Variants in BCAM observed in about 807,000 individuals in gnomAD.
BCAM encodes basal cell adhesion molecule (Lutheran blood group), also known as basal cell adhesion molecule.
In BCAM, 61 loss-of-function variants were observed where a neutral mutation model predicts 72.4. That is an observed-to-expected ratio of 0.84 (90% CI 0.69 to 1.04). BCAM has a LOEUF of 1.04. Ranked by LOEUF, BCAM falls within the 50% of genes least tolerant of loss-of-function variation. The pLI is 0.00. For synonymous variants in BCAM, 408 were observed against 384.2 expected (o/e 1.06, Z -0.73); for missense variants, 909 against 895.0 (o/e 1.02, Z -0.20).
intron 1 of BCAM, among the ~76,000 whole-genome samples, chr19:44,810,752 G>A (rs1968407087): frequency 2.0e-5 from 3 of 152,244 alleles, no homozygotes; most frequent in Non-Finnish European, 2.9e-5. Context: ...AGCAAAGGCT[G>A]GTGCAGTATT....
At chr19:44,815,466 T>C (rs1355612506) in intron 8 of BCAM, among the ~76,000 whole-genome samples, 1 of 139,910 alleles carries the variant, frequency 7.1e-6, no homozygotes, top group Non-Finnish European at 1.5e-5. Context: ...AGACAGATGG[T>C]AAATGCTAAC....
Position 44,820,911 on chromosome 19 carries a change from C to T in BCAM, c.1882-5C>T. ...CACAGGCTGACCTCTCCATCCGCTCCCCAGTGCTGAGCCAAGAACCTCCTA... is the reference window on the plus strand; with the variant it reads ...CACAGGCTGACCTCTCCATCCGCTCTCCAGTGCTGAGCCAAGAACCTCCTA... On this transcript the variant is annotated splice_polypyrimidine_tract_variant and splice_region_variant and intron_variant, in intron 14 of 14. Coordinates refer to ENST00000270233, the MANE Select transcript of BCAM (RefSeq NM_005581.5). The T allele has an allele frequency of 1.3e-6, 2 of 1,562,176 alleles. No individual in the cohort carries two copies. Among genetic ancestry groups the T allele is most frequent in the South Asian group, 2.4e-5 (2 of 84,556 alleles).
In BCAM at chr19:44,814,636, C is replaced by T. The variant is rs753313618; in HGVS notation, c.954C>T (p.Leu318=). ...AGGAGGAAGTGCTGAATGTGAATCTCGAGGGGAACTTGACCCTGGAGGGAG... is the reference window on the plus strand; with the variant it reads ...AGGAGGAAGTGCTGAATGTGAATCTTGAGGGGAACTTGACCCTGGAGGGAG... ...DEQEEVLNVN[L]EGNLTLEGVT... Residue 318 remains leucine (L), a synonymous_variant, in exon 8 of 15, where the codon CTC becomes CTT. Coordinates refer to ENST00000270233, the MANE Select transcript of BCAM (RefSeq NM_005581.5). This position sits in a 1 kb window ranked among gnomAD's most constrained non-coding sequence, Gnocchi z 4.6. 7.4e-6 allele frequency: 12 copies of T among 1,613,828 alleles called. No individual in the cohort carries two copies. Among genetic ancestry groups the T allele is most frequent in the Admixed American group, 3.3e-5 (2 of 59,978 alleles).
At position 44,813,759 on chromosome 19, in the gene BCAM, C is replaced by T. The variant is rs998571989; in HGVS notation, c.784+139C>T. 3.2e-6 allele frequency: 4 copies of T among 1,234,404 alleles called. No homozygotes were observed. The highest frequency in any genetic ancestry group is 2.5e-5 in the East Asian group (1 of 39,272). 76.5% of individuals were successfully genotyped at this position (1,234,404 alleles called of 1,614,324 possible). A position where few individuals can be genotyped will look rare whatever the true frequency, so the allele number is the denominator to read the frequency against. On this transcript the variant is annotated intron_variant, in intron 6 of 14. Transcript: ENST00000270233. This position sits in a 1 kb window ranked among gnomAD's most constrained non-coding sequence, Gnocchi z 4.2. The stretch of plus-strand genomic sequence containing the variant: ...CTAAAAAAAAATGTGCTAGTGCTGG[C>T]CACTGACCTCTGACCTCAATTGGTC...
At chr19:44,809,932 G>A (rs1378375724) in intron 1 of BCAM, among the ~76,000 whole-genome samples, 1 of 152,108 alleles carries the variant, frequency 6.6e-6, no homozygotes, top group African/African-American at 2.4e-5. Flanking sequence ...GGGGAAGAGA[G>A]AGGAACTCTC....
At position 44,820,825 on chromosome 19, in the gene BCAM, G is replaced by A. The variant is rs1568575564; in HGVS notation, c.1881+3G>A. On this transcript the variant is annotated splice_donor_region_variant and intron_variant, in intron 14 of 14. Transcript: ENST00000270233. ...GCAGCGGGGGCTTCGGAGACGAGGT[G>A]GGTGAGGGCCTGGGCCCCCTGGTGA... is the stretch of plus-strand genomic sequence containing the variant. 1.3e-6 allele frequency: 2 copies of A among 1,515,206 alleles called. No homozygotes were observed. Among genetic ancestry groups the A allele is most frequent in the Admixed American group, 4.5e-5 (2 of 44,212 alleles). 93.9% of individuals were successfully genotyped at this position (1,515,206 alleles called of 1,614,324 possible). A position where few individuals can be genotyped will look rare whatever the true frequency, so the allele number is the denominator to read the frequency against.
intron 13 of BCAM, chr19:44,819,965 C>T (rs1317295170): frequency 1.7e-5 from 23 of 1,357,926 alleles, no homozygotes; most frequent in Non-Finnish European, 2.2e-5. Flanking sequence ...CAACCCAGGG[C>T]CATCCCCAAA....
chr19:44,819,533 G>C (rs766070947), intron 12 of BCAM, 43 bp downstream of exon 12: 112 of 1,613,212 alleles, frequency 6.9e-5, no homozygotes, highest in Non-Finnish European at 8.9e-5. Flanking sequence ...GTGTGGGGCA[G>C]ACAGAGCCCA....
Position 44,814,852 on chromosome 19 carries a change from T to A in BCAM, c.1078+92T>A. 5 of 1,325,392 alleles carry A rather than the reference T, an allele frequency of 3.8e-6. No individual in the cohort carries two copies. The highest frequency in any genetic ancestry group is 5.0e-6 in the Non-Finnish European group (5 of 1,009,710). The allele number at this position is 1,325,392 out of a possible 1,614,324, so 82.1% of individuals were successfully genotyped here. ...CTACAGCCCTGAAGTTGCTCTGTCA[T>A]CCCAAACACTCTGCCTTCAACCCTT... On this transcript the variant is annotated intron_variant, in intron 8 of 14. Transcript: ENST00000270233. The surrounding 1 kb of genome is among the most constrained non-coding windows in gnomAD (Gnocchi z 4.6).
Position 44,818,977 on chromosome 19 carries a change from A to C in BCAM, c.1337-79A>C. 6.3e-7 allele frequency: 1 copy of C among 1,597,118 alleles called. No individual in the cohort carries two copies. Among genetic ancestry groups the C allele is most frequent in the Non-Finnish European group, 8.5e-7 (1 of 1,169,970 alleles). On this transcript the variant is annotated intron_variant, in intron 10 of 14. Coordinates refer to ENST00000270233, the MANE Select transcript of BCAM (RefSeq NM_005581.5). The surrounding 1 kb of genome is among the most constrained non-coding windows in gnomAD (Gnocchi z 4.6). Reference sequence around the variant, plus strand: ...CGAGTTCCTGAGTCCCTGGCTGGGGACTCCATCTTCTGCTCGATGCCTCTC... The same window carrying C: ...CGAGTTCCTGAGTCCCTGGCTGGGGCCTCCATCTTCTGCTCGATGCCTCTC...
chr19:44,812,172 T>C lies in BCAM; in HGVS notation c.214T>C (p.Ser72Pro), dbSNP rs1968430305. 6.2e-7 allele frequency: 1 copy of C among 1,601,492 alleles called. No homozygotes were observed. ...YMLEWFLTDR[S>P]GARPRLASAE... ...TGCCCCGCGCCCACAGACCGACCGCTCGGGAGCTCGCCCCCGCCTAGCCTC... is the reference window on the plus strand; with the variant it reads ...TGCCCCGCGCCCACAGACCGACCGCCCGGGAGCTCGCCCCCGCCTAGCCTC... The change falls in exon 3 of 15, where the codon TCG (serine) becomes CCG (proline). Residue 72 changes from serine (S) to proline (P), a missense_variant. By Grantham distance (74) the Ser-to-Pro change is moderately conservative. Transcript: ENST00000270233. This position sits in a 1 kb window ranked among gnomAD's most constrained non-coding sequence, Gnocchi z 5.3.
At chr19:44,820,470 C>G in intron 13 of BCAM, 3 of 1,249,356 alleles carry the variant, frequency 2.4e-6, no homozygotes, top group Non-Finnish European at 3.0e-6. Flanking sequence ...CCAAAGCCAA[C>G]TCCAGCTACA....
chr19:44,818,486 G>T lies in BCAM; in HGVS notation c.1079-36G>T, dbSNP rs560312954. The T allele has an allele frequency of 2.5e-6, 4 of 1,583,486 alleles. No homozygotes were observed. The African/African-American group carries it at 5.4e-5, about 21-fold the overall frequency. On this transcript the variant is annotated intron_variant, in intron 8 of 14. Transcript: ENST00000270233. This position sits in a 1 kb window ranked among gnomAD's most constrained non-coding sequence, Gnocchi z 4.6. Reference sequence around the variant, plus strand: ...GAGAGCCCCTAATTGAGTGGGTGGCGGTCTGGGACGAGTGACAGACTGTCC... The same window carrying T: ...GAGAGCCCCTAATTGAGTGGGTGGCTGTCTGGGACGAGTGACAGACTGTCC...
In BCAM at chr19:44,811,311, G is replaced by T; in HGVS notation, c.169G>T (p.Gly57Ter). 6.2e-7 allele frequency: 1 copy of T among 1,613,660 alleles called. No homozygotes were observed. Among genetic ancestry groups the T allele is most frequent in the East Asian group, 2.2e-5 (1 of 44,868 alleles). The change falls in exon 2 of 15, where the codon GGA becomes TGA. Residue 57 changes from glycine (G) to a stop codon, truncating the protein, a stop_gained. Coordinates refer to ENST00000270233, the MANE Select transcript of BCAM (RefSeq NM_005581.5). LOFTEE classifies it high-confidence loss of function. Reference protein sequence around the residue: ...KSVILDCTPTGTHDHYMLEWF... With the variant: ...KSVILDCTPT Reference sequence around the variant, plus strand: ...TGTCATTCTGGACTGCACCCCTACGGGAACCCACGACCATTATATGCTGGA... The same window carrying T: ...TGTCATTCTGGACTGCACCCCTACGTGAACCCACGACCATTATATGCTGGA...
chr19:44,812,391 G>C lies in BCAM; in HGVS notation c.433G>C (p.Ala145Pro). ...GGCCACTGCGCGGCTCAACGTGTTT[G>C]GTAAGTGTCCTCGGGCATCCCCCGA... ...AEATARLNVF[A>P]KPEATEVSPN... The change falls in exon 3 of 15, where the codon GCA (alanine) becomes CCA (proline). Residue 145 changes from alanine (A) to proline (P), a missense_variant and splice_region_variant. Ala to Pro is a conservative substitution (Grantham distance 27). Coordinates refer to ENST00000270233, the MANE Select transcript of BCAM (RefSeq NM_005581.5). This position sits in a 1 kb window ranked among gnomAD's most constrained non-coding sequence, Gnocchi z 5.3. 6.2e-7 allele frequency: 1 copy of C among 1,614,088 alleles called. No individual in the cohort carries two copies. Among genetic ancestry groups the C allele is most frequent in the East Asian group, 2.2e-5 (1 of 44,884 alleles).
In BCAM at chr19:44,812,177, AG is replaced by A. The variant is rs1476930654; in HGVS notation, c.220del (p.Ala74LeufsTer5). The A allele has an allele frequency of 6.2e-7, 1 of 1,602,198 alleles. No individual in the cohort carries two copies. The highest frequency in any genetic ancestry group is 8.5e-7 in the Non-Finnish European group (1 of 1,177,472). On this transcript the variant is annotated frameshift_variant, in exon 3 of 15. Transcript: ENST00000270233. LOFTEE classifies it high-confidence loss of function. The surrounding 1 kb of genome is among the most constrained non-coding windows in gnomAD (Gnocchi z 5.3). The part of the protein sequence containing the change: ...LEWFLTDRSG[A>X]RPRLASAEMQ... The stretch of plus-strand genomic sequence containing the variant: ...CGCGCCCACAGACCGACCGCTCGGG[AG>A]CTCGCCCCCGCCTAGCCTCGGCTGA...
At chr19:44,820,336 G>T in intron 13 of BCAM, 1 of 1,052,638 alleles carries the variant, frequency 9.5e-7, no homozygotes, top group Non-Finnish European at 1.1e-6. Context: ...CCCCAATCTT[G>T]TCCCCATTCC....
chr19:44,819,796 C>T, intron 13 of BCAM, 70 bp downstream of exon 13: 7 of 1,481,262 alleles, frequency 4.7e-6, no homozygotes, highest in South Asian at 4.1e-5. Flanking sequence ...CCAAGCTCAA[C>T]CCATAACCTC....
At chr19:44,809,061 C>T, upstream of BCAM, 1 of 1,232,130 alleles carries the variant, frequency 8.1e-7, no homozygotes, top group Non-Finnish European at 1.0e-6. Flanking sequence ...GGCGGGGCCT[C>T]TGGCTCCCAG....
Sources: allele counts gnomAD v4.1 joint callset (sites outside exome capture counted in the v4.1 genomes callset), GRCh38; gene constraint gnomAD v4.1.1; non-coding constraint Gnocchi (gnomAD v3.1); transcripts MANE v1.5; gene names NCBI Gene and HGNC (gene_info 2026-07-23, HGNC 2026-07-21).